The following DEUP1 variants were observed in gnomAD, a reference collection of about 807,000 sequenced individuals.
DEUP1 encodes the protein coiled-coil domain containing 67.
DEUP1 carries 82 observed loss-of-function variants against 87.4 expected under a neutral mutation model. That is an observed-to-expected ratio of 0.94 (90% CI 0.78 to 1.13). DEUP1 has a LOEUF of 1.13. Among genes scored for constraint, DEUP1 ranks in the 50% most tolerant of loss-of-function variants. DEUP1 has a pLI of 0.00. For missense variants in DEUP1, 663 were observed against 681.5 expected (o/e 0.97, Z 0.30); for synonymous variants, 214 against 222.7 (o/e 0.96, Z 0.35).
At position 93,357,031 on chromosome 11, in the gene DEUP1, C is replaced by T. The variant is rs1175365183; in HGVS notation, c.285C>T (p.Ser95=). 6 of 1,566,950 alleles carry T rather than the reference C, an allele frequency of 3.8e-6. No individual in the cohort carries two copies. In the African/African-American group the frequency reaches 8.2e-5, roughly 21 times the overall value. ...MTQNYEGQLQ[S]LKAQFSKLTN... ...AGAATTATGAAGGACAACTACAAAG[C>T]CTAAAGGCTCAAGTAAGAAAACTTA... Residue 95 remains serine, a synonymous_variant, in exon 4 of 14, where the codon AGC becomes AGT. Transcript: ENST00000298050.
At chr11:93,370,786 G>C (rs1176625511) in intron 6 of DEUP1, among the ~76,000 whole-genome samples, 1 of 151,504 alleles carries the variant, frequency 6.6e-6, no homozygotes, top group East Asian at 1.9e-4. Flanking sequence ...GCTTAGTATG[G>C]CTTTACTACC....
intron 13 of DEUP1, among the ~76,000 whole-genome samples, chr11:93,429,305 T>C (rs1345598259): frequency 6.6e-6 from 1 of 152,188 alleles, no homozygotes; most frequent in Non-Finnish European, 1.5e-5. Context: ...CAGACTAAAA[T>C]ACATACCAAT....
At chr11:93,404,619 C>T (rs540639965) in intron 11 of DEUP1, among the ~76,000 whole-genome samples, 3 of 151,988 alleles carry the variant, frequency 2.0e-5, no homozygotes, top group Middle Eastern at 3.4e-3. Flanking sequence ...GAAGAAAAAC[C>T]ATACATGCAA....
intron 12 of DEUP1, among the ~76,000 whole-genome samples, chr11:93,412,016 C>A (rs1947448921): frequency 6.6e-6 from 1 of 152,088 alleles, no homozygotes. Context: ...CATAGGTTGA[C>A]AGTTCTAGTA....
chr11:93,369,929 CAAA>C (rs1162932026), intron 5 of DEUP1, 141 bp from the exon 6 acceptor site: 482 of 18,172 alleles, frequency 0.027, no homozygotes, highest in Non-Finnish European at 0.028. Context: ...GACTCCGTCT[CAAA>C]AAAAAAAAAA....
chr11:93,415,428 G>T (rs1365585912), intron 13 of DEUP1, among the ~76,000 whole-genome samples: 1 of 152,016 alleles, frequency 6.6e-6, no homozygotes, highest in Non-Finnish European at 1.5e-5. Flanking sequence ...AGTCCTCAAG[G>T]ATCCGTATAT....
At chr11:93,428,449 G>T (rs962602142) in intron 13 of DEUP1, among the ~76,000 whole-genome samples, 3 of 150,992 alleles carry the variant, frequency 2.0e-5, no homozygotes, top group Non-Finnish European at 2.9e-5. Flanking sequence ...CTGTTGTGGG[G>T]TGGGGGGAGG....
intron 13 of DEUP1, among the ~76,000 whole-genome samples, chr11:93,419,370 T>A (rs1447315442): frequency 4.6e-5 from 7 of 152,158 alleles, no homozygotes; most frequent in African/African-American, 1.7e-4. Flanking sequence ...GTACTTTGTA[T>A]GATAGCATCA....
chr11:93,371,280 G>C lies in DEUP1; in HGVS notation c.789G>C (p.Gln263His). Residue 263 changes from glutamine (Q) to histidine (H), a missense_variant and splice_region_variant, in exon 7 of 14, where the codon CAG becomes CAC. Transcript: ENST00000298050. ...QELKMYQRQCQAMEAGLSEVK... is the reference protein window; with the variant it reads ...QELKMYQRQCHAMEAGLSEVK... ...TGAAAATGTACCAAAGACAGTGCCA[G>C]GTGAAGATTAATTTTTTTTCAACTA... The C allele has an allele frequency of 6.2e-7, 1 of 1,607,508 alleles. No individual in the cohort carries two copies. Among genetic ancestry groups the C allele is most frequent in the South Asian group, 1.1e-5 (1 of 89,732 alleles).
intron 13 of DEUP1, among the ~76,000 whole-genome samples, chr11:93,417,048 C>T (rs1307596650): frequency 6.6e-6 from 1 of 150,796 alleles, no homozygotes; most frequent in African/African-American, 2.4e-5. Context: ...TAAGAGCTAT[C>T]TATGACAAAC....
Position 93,437,749 on chromosome 11 carries a change from C to CCT in DEUP1, c.*31_*32insTC. 9.3e-7 allele frequency: 1 copy of CCT among 1,070,704 alleles called. No homozygotes were observed. The highest frequency in any genetic ancestry group is 1.5e-5 in the South Asian group (1 of 67,940). The allele number at this position is 1,070,704 out of a possible 1,614,324, so 66.3% of individuals were successfully genotyped here. On this transcript the variant is annotated 3_prime_UTR_variant, in exon 14 of 14. Transcript: ENST00000298050. ...TTAAACTTTTTTATTTGCTTCCCCC[C>CCT]CCCACCCCCGCCAAGAAAAAAAGCT...
At chr11:93,433,521 AAATCAATC>A (rs536059370) in intron 13 of DEUP1, among the ~76,000 whole-genome samples, 1 of 152,282 alleles carries the variant, frequency 6.6e-6, no homozygotes, top group East Asian at 1.9e-4. Flanking sequence ...CACTGTCTCT[AAATCAATC>A]AATCAATCAA....
intron 9 of DEUP1, 42 bp from the exon 10 acceptor site, chr11:93,394,417 A>G: frequency 7.0e-7 from 1 of 1,434,074 alleles, no homozygotes; most frequent in Non-Finnish European, 9.3e-7. Context: ...TACTCTATAA[A>G]TAAAAGGATT....
At chr11:93,396,379 A>G (rs1458862756) in intron 11 of DEUP1, 54 bp downstream of exon 11, 4 of 1,095,526 alleles carry the variant, frequency 3.7e-6, no homozygotes, top group Non-Finnish European at 5.3e-6. Context: ...TGAATTGGTC[A>G]CGATTAACCT....
intron 4 of DEUP1, among the ~76,000 whole-genome samples, chr11:93,358,450 C>T (rs923627316): frequency 1.3e-5 from 2 of 152,170 alleles, no homozygotes; most frequent in African/African-American, 4.8e-5. Flanking sequence ...AGTTAAGACT[C>T]CTCCCCTCCT....
At chr11:93,405,321 A>G (rs1444966388) in intron 11 of DEUP1, among the ~76,000 whole-genome samples, 1 of 151,996 alleles carries the variant, frequency 6.6e-6, no homozygotes, top group Non-Finnish European at 1.5e-5. Flanking sequence ...GCACTCCTTT[A>G]TCTTCTAAAG....
chr11:93,406,334 C>A lies in DEUP1; in HGVS notation c.1327-1897C>A, dbSNP rs115913976. Among the ~76,000 whole-genome samples the A allele has an allele frequency of 3.4e-3, 510 of 151,834 alleles. 1 individual carries two copies. The highest frequency in any genetic ancestry group is 0.012 in the African/African-American group (487 of 41,486). On this transcript the variant is annotated intron_variant, in intron 11 of 13. Coordinates refer to ENST00000298050, the MANE Select transcript of DEUP1 (RefSeq NM_181645.4). ...AAGATGGAATGATCTGGAATCAGAC[C>A]GCAATCTATATTAATTTAGTATATA...
At chr11:93,432,483 C>A (rs1384992599) in intron 13 of DEUP1, among the ~76,000 whole-genome samples, 1 of 152,170 alleles carries the variant, frequency 6.6e-6, no homozygotes, top group Non-Finnish European at 1.5e-5. Flanking sequence ...TATTTATGGT[C>A]ATGAATTTAA....
chr11:93,435,945 G>A lies in DEUP1; in HGVS notation c.1639-1598G>A, dbSNP rs189147860. ...CGGGAGGTGGAGCTTGCAGTGAGCC[G>A]AGATCACGCCACTGCACTCCAGTGT... On this transcript the variant is annotated intron_variant, in intron 13 of 13. Coordinates refer to ENST00000298050, the MANE Select transcript of DEUP1 (RefSeq NM_181645.4). 8.3e-3 allele frequency among the ~76,000 whole-genome samples: 1,252 copies of A among 150,206 alleles called. 19 individuals are homozygous for A. The highest frequency in any genetic ancestry group is 0.029 in the African/African-American group (1,175 of 40,718).
Sources: gnomAD v4.1 joint callset for allele counts (sites outside exome capture counted in the v4.1 genomes callset) on GRCh38, gnomAD v4.1.1 for gene constraint, MANE v1.5 for transcripts, NCBI Gene and HGNC (gene_info 2026-07-23, HGNC 2026-07-21) for gene names.